TENM2: variants seen among roughly 807,000 people sequenced by gnomAD.
TENM2 encodes the protein teneurin-2.
TENM2 carries 52 observed loss-of-function variants against 245.2 expected under a neutral mutation model. The observed-to-expected ratio is 0.21, with a 90% CI of 0.17 to 0.27. The LOEUF (loss-of-function observed/expected upper bound fraction) is 0.27. TENM2 is among the 10% of genes least tolerant of loss of function. The probability of loss-of-function intolerance (pLI) is 1.00; values close to 1 mark genes in which losing one functional copy is unlikely to be tolerated. For missense variants in TENM2, 3,046 were observed against 3,666.8 expected, an observed-to-expected ratio of 0.83 and a Z score of 4.37; for synonymous variants, 1,363 against 1,438.9, an observed-to-expected ratio of 0.95 and a Z score of 1.19.
At chr5:167,727,319 A>G (rs1301168373) in intron 2 of TENM2, among the ~76,000 whole-genome samples, 1 of 151,952 alleles carries the variant, frequency 6.6e-6, no homozygotes, top group Non-Finnish European at 1.5e-5. Context: ...TCACCGTGTT[A>G]GCCAGGATGG....
At chr5:167,539,625 G>T (rs1016453957) in intron 2 of TENM2, among the ~76,000 whole-genome samples, 2 of 152,140 alleles carry the variant, frequency 1.3e-5, no homozygotes, top group African/African-American at 4.8e-5. Flanking sequence ...GGTTTAAAAA[G>T]TAGGACTGGT....
the TENM2 span, among the ~76,000 whole-genome samples, chr5:167,035,227 G>GAA: frequency 2.1e-5 from 3 of 146,056 alleles, no homozygotes; most frequent in African/African-American, 7.5e-5. Flanking sequence ...CACTCTATTG[G>GAA]AAAAAAAAAA....
intron 25 of TENM2, among the ~76,000 whole-genome samples, chr5:168,234,594 C>T (rs77268416): frequency 0.045 from 6,780 of 152,278 alleles, 205 homozygotes; most frequent in Admixed American, 0.068. Flanking sequence ...CCCTGAGGAT[C>T]TCTTGAGGCT....
intron 22 of TENM2, among the ~76,000 whole-genome samples, chr5:168,217,747 G>T (rs1056920295): frequency 6.6e-6 from 1 of 152,130 alleles, no homozygotes; most frequent in African/African-American, 2.4e-5. Context: ...GCTTCCGTAG[G>T]CGTCTGCTTG....
intron 7 of TENM2, among the ~76,000 whole-genome samples, chr5:168,064,985 C>A (rs569412200): frequency 6.6e-6 from 1 of 152,230 alleles, no homozygotes; most frequent in South Asian, 2.1e-4. Flanking sequence ...TAGCTCTTTG[C>A]GGGGATAGGC....
chr5:168,031,249 G>T (rs1362301793), intron 5 of TENM2, among the ~76,000 whole-genome samples: 1 of 152,110 alleles, frequency 6.6e-6, no homozygotes, highest in Admixed American at 6.6e-5. Flanking sequence ...ATCTTTCCAG[G>T]TCTCCATAAC....
chr5:168,084,716 G>A (rs1792297137), intron 7 of TENM2, among the ~76,000 whole-genome samples: 1 of 152,136 alleles, frequency 6.6e-6, no homozygotes. Flanking sequence ...AGGTAGAGTG[G>A]CGTTTAGGGA....
At chr5:168,123,956 A>G (rs972066064) in intron 10 of TENM2, among the ~76,000 whole-genome samples, 5 of 152,206 alleles carry the variant, frequency 3.3e-5, no homozygotes, top group Non-Finnish European at 7.3e-5. Context: ...TTCTCATGCA[A>G]AAAGTCCTGT....
chr5:167,807,875 A>G (rs1307790105), intron 2 of TENM2, among the ~76,000 whole-genome samples: 4 of 152,180 alleles, frequency 2.6e-5, no homozygotes, highest in Admixed American at 2.6e-4. Context: ...CACCCGTACC[A>G]GTGAAATCAG....
intron 2 of TENM2, among the ~76,000 whole-genome samples, chr5:167,615,382 T>C (rs1206918960): frequency 6.6e-6 from 1 of 152,136 alleles, no homozygotes; most frequent in Non-Finnish European, 1.5e-5. Context: ...TGGTTGGTTG[T>C]TTTTATTTCA....
At chr5:167,349,482 G>A (rs1758683663) in intron 1 of TENM2, among the ~76,000 whole-genome samples, 1 of 152,020 alleles carries the variant, frequency 6.6e-6, no homozygotes, top group Non-Finnish European at 1.5e-5. Context: ...GCTAATTGTG[G>A]ATCCTACTAG....
intron 1 of TENM2, among the ~76,000 whole-genome samples, chr5:167,349,580 ATTATC>A (rs898142290): frequency 2.0e-5 from 3 of 151,860 alleles, no homozygotes; most frequent in African/African-American, 4.8e-5. Flanking sequence ...TTATTTCTCA[ATTATC>A]TTATTGTAAT....
intron 5 of TENM2, among the ~76,000 whole-genome samples, chr5:168,038,780 G>T (rs1787926434): frequency 6.6e-6 from 1 of 152,016 alleles, no homozygotes; most frequent in Non-Finnish European, 1.5e-5. Context: ...TGGTTCCTAA[G>T]GCCCCTCCTG....
chr5:168,230,567 G>T (rs1463408296), intron 25 of TENM2, among the ~76,000 whole-genome samples: 2 of 152,118 alleles, frequency 1.3e-5, no homozygotes, highest in African/African-American at 2.4e-5. Flanking sequence ...TAAGCCGAAG[G>T]TACCCATTGG....
At chr5:167,455,437 G>C (rs182200656) in intron 2 of TENM2, among the ~76,000 whole-genome samples, 1 of 129,770 alleles carries the variant, frequency 7.7e-6, no homozygotes, top group African/African-American at 2.9e-5. Context: ...TTATCCCCTT[G>C]TTGTTGATGT....
At chr5:167,755,191 G>A in intron 2 of TENM2, 3 of 1,598,086 alleles carry the variant, frequency 1.9e-6, no homozygotes, top group Middle Eastern at 1.7e-4. Context: ...TGGAGTCTCT[G>A]GGTAAGGATG....
At chr5:167,280,756 GTCTATCTA>G (rs70976408), upstream of TENM2, among the ~76,000 whole-genome samples, 8,453 of 145,748 alleles carry the variant, frequency 0.058, 439 homozygotes, top group African/African-American at 0.13. Context: ...CTATCTGTCT[GTCTATCTA>G]TCTATCTATC....
the TENM2 span, among the ~76,000 whole-genome samples, chr5:167,110,847 A>G: frequency 5.8e-4 from 89 of 152,228 alleles, no homozygotes; most frequent in Non-Finnish European, 7.3e-4. Flanking sequence ...GTGCATGGCC[A>G]TTTCTCATGC....
At chr5:167,848,490 T>A (rs911527899) in intron 2 of TENM2, among the ~76,000 whole-genome samples, 37 of 152,322 alleles carry the variant, frequency 2.4e-4, no homozygotes, top group East Asian at 7.7e-4. Context: ...TCTTCATATA[T>A]ACACACACAT....
Sources: gnomAD v4.1 joint callset for allele counts (sites outside exome capture counted in the v4.1 genomes callset) on GRCh38, gnomAD v4.1.1 for gene constraint, MANE v1.5 for transcripts, NCBI Gene and HGNC (gene_info 2026-07-23, HGNC 2026-07-21) for gene names.